SUGCT: variants seen among roughly 807,000 people sequenced by gnomAD.
SUGCT encodes the protein succinyl-CoA:glutarate CoA-transferase.
In SUGCT, 41 loss-of-function variants were observed where a neutral mutation model predicts 55.0. That is an observed-to-expected ratio of 0.74 (90% CI 0.58 to 0.97). The LOEUF (loss-of-function observed/expected upper bound fraction) is 0.97. Ranked by LOEUF, SUGCT falls within the 50% of genes least tolerant of loss-of-function variation. The probability of loss-of-function intolerance (pLI) is 0.00; values close to 1 mark genes in which losing one functional copy is unlikely to be tolerated. For synonymous variants in SUGCT, 187 were observed against 200.4 expected, an observed-to-expected ratio of 0.93 and a Z score of 0.56; for missense variants, 568 against 547.8, an observed-to-expected ratio of 1.04 and a Z score of -0.37.
intron 12 of SUGCT, among the ~76,000 whole-genome samples, chr7:40,542,582 C>T (rs1455990107): frequency 6.6e-6 from 1 of 152,126 alleles, no homozygotes; most frequent in South Asian, 2.1e-4. Context: ...TTATAAAGGC[C>T]TGCCTATATA....
intron 12 of SUGCT, among the ~76,000 whole-genome samples, chr7:40,532,287 G>A (rs901380527): frequency 4.6e-5 from 7 of 152,176 alleles, no homozygotes; most frequent in African/African-American, 1.2e-4. Flanking sequence ...TGAAAATTTA[G>A]CCATGCCTTA....
At chr7:40,615,848 AT>A (rs759419653) in intron 12 of SUGCT, among the ~76,000 whole-genome samples, 49 of 152,214 alleles carry the variant, frequency 3.2e-4, no homozygotes, top group Non-Finnish European at 5.4e-4. Context: ...TGTGTGTGCC[AT>A]GGATTCTTAT....
chr7:40,278,165 G>C (rs1256390897), intron 8 of SUGCT, among the ~76,000 whole-genome samples: 1 of 152,082 alleles, frequency 6.6e-6, no homozygotes, highest in Non-Finnish European at 1.5e-5. Flanking sequence ...GCAGCCAAAA[G>C]ACACATGAAA....
At chr7:40,910,699 G>A in the SUGCT span, among the ~76,000 whole-genome samples, 2 of 152,020 alleles carry the variant, frequency 1.3e-5, no homozygotes, top group Admixed American at 1.3e-4. Context: ...CCATTGATAA[G>A]TGCTAATAAT....
chr7:40,572,862 T>C (rs17171737), intron 12 of SUGCT, among the ~76,000 whole-genome samples: 3,745 of 152,146 alleles, frequency 0.025, 175 homozygotes, highest in African/African-American at 0.085. Flanking sequence ...GTAGCATCCA[T>C]TGTGGCATCA....
intron 13 of SUGCT, among the ~76,000 whole-genome samples, chr7:40,834,635 G>C (rs1286883533): frequency 6.6e-6 from 1 of 152,100 alleles, no homozygotes; most frequent in Non-Finnish European, 1.5e-5. Flanking sequence ...CTGGAACATG[G>C]CACTTAATTT....
chr7:41,006,364 G>A, the SUGCT span, among the ~76,000 whole-genome samples: 1 of 152,206 alleles, frequency 6.6e-6, no homozygotes, highest in African/African-American at 2.4e-5. Flanking sequence ...GATATAGAAT[G>A]TGAGCCTCTC....
the SUGCT span, among the ~76,000 whole-genome samples, chr7:40,991,853 T>C: frequency 6.6e-6 from 1 of 151,860 alleles, no homozygotes; most frequent in African/African-American, 2.4e-5. Context: ...TTCTGCATGG[T>C]GTTAGAAGAT....
intron 13 of SUGCT, among the ~76,000 whole-genome samples, chr7:40,849,517 A>T (rs973770441): frequency 6.6e-6 from 1 of 152,124 alleles, no homozygotes; most frequent in African/African-American, 2.4e-5. Context: ...TTACTTGAAT[A>T]TTCATTATGG....
intron 9 of SUGCT, among the ~76,000 whole-genome samples, chr7:40,367,307 C>G (rs1403356567): frequency 6.6e-6 from 1 of 151,288 alleles, no homozygotes; most frequent in Non-Finnish European, 1.5e-5. Flanking sequence ...AGGAGATATA[C>G]CTAATGCTAA....
At chr7:40,625,129 A>G (rs1799464668) in intron 12 of SUGCT, among the ~76,000 whole-genome samples, 1 of 152,118 alleles carries the variant, frequency 6.6e-6, no homozygotes, top group Admixed American at 6.6e-5. Context: ...AGATTTCTGC[A>G]CATTCTCGGA....
At chr7:40,663,485 ATGTG>A (rs59033010) in intron 12 of SUGCT, among the ~76,000 whole-genome samples, 10,507 of 134,950 alleles carry the variant, frequency 0.078, 1,240 homozygotes, top group African/African-American at 0.26. Context: ...TTTGTGGTGT[ATGTG>A]TGTGTGTGTG....
At chr7:40,893,966 CAT>C in the SUGCT span, among the ~76,000 whole-genome samples, 1 of 150,804 alleles carries the variant, frequency 6.6e-6, no homozygotes. Flanking sequence ...GAGAATGAGA[CAT>C]GAGACTCACT....
intron 9 of SUGCT, among the ~76,000 whole-genome samples, chr7:40,390,185 A>C (rs1785347376): frequency 6.6e-6 from 1 of 152,212 alleles, no homozygotes; most frequent in South Asian, 2.1e-4. Context: ...ATCATACTGA[A>C]TGGGCATAAA....
At chr7:40,260,777 G>A (rs575200219) in intron 7 of SUGCT, among the ~76,000 whole-genome samples, 2 of 152,064 alleles carry the variant, frequency 1.3e-5, no homozygotes, top group South Asian at 2.1e-4. Flanking sequence ...TCAGCCTCCC[G>A]AGTAGCTGGG....
chr7:40,923,116 G>T, the SUGCT span, among the ~76,000 whole-genome samples: 2 of 152,178 alleles, frequency 1.3e-5, no homozygotes, highest in Non-Finnish European at 2.9e-5. Context: ...AGACTCCTTA[G>T]CCTATAAATG....
At chr7:40,936,447 T>A in the SUGCT span, among the ~76,000 whole-genome samples, 1 of 151,910 alleles carries the variant, frequency 6.6e-6, no homozygotes, top group Non-Finnish European at 1.5e-5. Flanking sequence ...TGTTCCCTCT[T>A]TCACTCATGA....
At chr7:40,883,366 C>T in the SUGCT span, among the ~76,000 whole-genome samples, 1 of 152,118 alleles carries the variant, frequency 6.6e-6, no homozygotes, top group Non-Finnish European at 1.5e-5. Flanking sequence ...TGGAGAACAA[C>T]AATTAAATTG....
At chr7:40,159,918 G>C (rs572335264) in intron 1 of SUGCT, among the ~76,000 whole-genome samples, 1 of 152,244 alleles carries the variant, frequency 6.6e-6, no homozygotes, top group South Asian at 2.1e-4. Flanking sequence ...TCTCTAATGG[G>C]TTTCCCTGGG....
Sources: allele counts gnomAD v4.1 joint callset (sites outside exome capture counted in the v4.1 genomes callset), GRCh38; gene constraint gnomAD v4.1.1; transcripts MANE v1.5; gene names NCBI Gene and HGNC (gene_info 2026-07-23, HGNC 2026-07-21).